ZFHX3: variants seen among roughly 807,000 people sequenced by gnomAD.
ZFHX3 encodes zinc finger homeobox protein 3.
In ZFHX3, 42 loss-of-function variants were observed where a neutral mutation model predicts 279.1. That is an observed-to-expected ratio of 0.15 (90% CI 0.12 to 0.19). The LOEUF (loss-of-function observed/expected upper bound fraction) is 0.19. Among genes scored for constraint, ZFHX3 ranks in the 10% least tolerant of loss-of-function variants. ZFHX3 has a pLI of 1.00. For synonymous variants in ZFHX3, 2,293 were observed against 1,957.8 expected (o/e 1.17, Z -4.52); for missense variants, 4,981 against 4,754.0 (o/e 1.05, Z -1.40).
chr16:72,806,487 C>T (rs994932389), intron 7 of ZFHX3, among the ~76,000 whole-genome samples: 1 of 152,196 alleles, frequency 6.6e-6, no homozygotes, highest in Non-Finnish European at 1.5e-5. Flanking sequence ...AATTGGCAAA[C>T]AGGCTCCAAA....
intron 1 of ZFHX3, among the ~76,000 whole-genome samples, chr16:73,811,974 C>G (rs543799702): frequency 1.3e-5 from 2 of 152,188 alleles, no homozygotes; most frequent in Non-Finnish European, 2.9e-5. Flanking sequence ...CAACAATTCT[C>G]TTACTATCAC....
chr16:73,551,125 C>T (rs1392723212), intron 2 of ZFHX3, among the ~76,000 whole-genome samples: 2 of 152,180 alleles, frequency 1.3e-5, no homozygotes, highest in African/African-American at 4.8e-5. Context: ...ACCAGCAAAA[C>T]GGCCTCTGGT....
At chr16:72,987,508 G>A (rs546319117) in intron 1 of ZFHX3, among the ~76,000 whole-genome samples, 2 of 152,272 alleles carry the variant, frequency 1.3e-5, no homozygotes, top group South Asian at 4.1e-4. Context: ...CCATTCAGCT[G>A]CAACCAGCAG....
intron 4 of ZFHX3, among the ~76,000 whole-genome samples, chr16:72,849,101 A>C (rs2037549362): frequency 6.6e-6 from 1 of 151,590 alleles, no homozygotes; most frequent in Non-Finnish European, 1.5e-5. Flanking sequence ...TTTACCACTC[A>C]CTCATGGTTC....
At chr16:72,807,781 T>C (rs188475292) in intron 7 of ZFHX3, 1 of 152,236 alleles carries the variant, frequency 6.6e-6, no homozygotes, top group East Asian at 1.9e-4. Context: ...AGGAATCATC[T>C]ATTTGGGGGA....
intron 7 of ZFHX3, among the ~76,000 whole-genome samples, chr16:73,129,591 T>C (rs1966637131): frequency 6.6e-6 from 1 of 151,916 alleles, no homozygotes; most frequent in Non-Finnish European, 1.5e-5. Flanking sequence ...ATCAACGTAT[T>C]GAGGTGTAGT....
At chr16:73,121,725 C>T (rs992157018) in intron 7 of ZFHX3, among the ~76,000 whole-genome samples, 1 of 151,510 alleles carries the variant, frequency 6.6e-6, no homozygotes, top group African/African-American at 2.4e-5. Flanking sequence ...TCGCCATTCT[C>T]CTGCCTCCGC....
chr16:73,006,601 A>G (rs1012260825), intron 1 of ZFHX3, among the ~76,000 whole-genome samples: 1 of 152,056 alleles, frequency 6.6e-6, no homozygotes, highest in African/African-American at 2.4e-5. Context: ...CTAAGCAACA[A>G]AACAAGACAA....
intron 3 of ZFHX3, among the ~76,000 whole-genome samples, chr16:73,398,724 T>C (rs2017181727): frequency 6.6e-6 from 1 of 152,234 alleles, no homozygotes; most frequent in Non-Finnish European, 1.5e-5. Flanking sequence ...ATTTCTTACA[T>C]AAGCCGACCC....
chr16:72,844,874 C>T (rs2037438600), intron 4 of ZFHX3, among the ~76,000 whole-genome samples: 1 of 152,130 alleles, frequency 6.6e-6, no homozygotes, highest in African/African-American at 2.4e-5. Flanking sequence ...GCCCCCTCCC[C>T]TTCCTCATTT....
chr16:73,374,290 G>C (rs2143347926), intron 3 of ZFHX3, among the ~76,000 whole-genome samples: 1 of 151,824 alleles, frequency 6.6e-6, no homozygotes, highest in Admixed American at 6.6e-5. Context: ...TTTTGTTACA[G>C]AAAATAACAA....
intron 2 of ZFHX3, chr16:73,486,761 G>A (rs2018980691): frequency 2.2e-6 from 1 of 455,408 alleles, no homozygotes; most frequent in Non-Finnish European, 4.4e-6. Flanking sequence ...CAGGAATGAA[G>A]TTTGCTTTTA....
intron 4 of ZFHX3, among the ~76,000 whole-genome samples, chr16:73,303,105 T>G (rs1046660788): frequency 6.6e-6 from 1 of 151,990 alleles, no homozygotes; most frequent in Non-Finnish European, 1.5e-5. Context: ...CATAGTGCAC[T>G]GTCGCCTTAA....
chr16:73,524,737 C>T (rs1281181395), intron 2 of ZFHX3, among the ~76,000 whole-genome samples: 1 of 152,204 alleles, frequency 6.6e-6, no homozygotes, highest in African/African-American at 2.4e-5. Flanking sequence ...AGATGCGACT[C>T]TTATTAGGGT....
chr16:73,302,150 G>T (rs1004866878), intron 4 of ZFHX3, among the ~76,000 whole-genome samples: 1 of 152,100 alleles, frequency 6.6e-6, no homozygotes, highest in Non-Finnish European at 1.5e-5. Context: ...GCAGAAGAAA[G>T]CTCCCTTTCT....
intron 2 of ZFHX3, chr16:73,483,400 G>A (rs1283517579): frequency 2.2e-6 from 1 of 455,844 alleles, no homozygotes; most frequent in Admixed American, 2.4e-5. Flanking sequence ...CCAGGGTAGG[G>A]ACCAAAAGGG....
intron 1 of ZFHX3, among the ~76,000 whole-genome samples, chr16:72,979,351 A>G (rs1392088736): frequency 6.6e-6 from 1 of 152,168 alleles, no homozygotes; most frequent in Non-Finnish European, 1.5e-5. Flanking sequence ...TATGGAAAAA[A>G]CAGCAAGGAG....
At chr16:73,234,296 A>G (rs1240484861) in intron 5 of ZFHX3, among the ~76,000 whole-genome samples, 1 of 152,224 alleles carries the variant, frequency 6.6e-6, no homozygotes, top group East Asian at 1.9e-4. Context: ...AAATTAGCAT[A>G]CTAACCAAGG....
chr16:73,269,479 G>A (rs2014081901), intron 4 of ZFHX3, among the ~76,000 whole-genome samples: 1 of 152,168 alleles, frequency 6.6e-6, no homozygotes, highest in Non-Finnish European at 1.5e-5. Context: ...ATCCATCTAT[G>A]TTCCCTTGTG....
Sources: gnomAD v4.1 joint callset for allele counts (sites outside exome capture counted in the v4.1 genomes callset) on GRCh38, gnomAD v4.1.1 for gene constraint, MANE v1.5 for transcripts, NCBI Gene and HGNC (gene_info 2026-07-23, HGNC 2026-07-21) for gene names.